PLCXD3: variants seen among roughly 807,000 people sequenced by gnomAD.
The protein encoded by PLCXD3 is PI-PLC X domain-containing protein 3.
PLCXD3 carries 19 observed loss-of-function variants against 25.5 expected under a neutral mutation model. The ratio of observed to expected loss-of-function variants is 0.75; its 90% CI spans 0.52 to 1.09. The LOEUF is 1.09. PLCXD3 is among the 50% of genes least tolerant of loss of function. The probability of loss-of-function intolerance (pLI) is 0.00; values close to 1 mark genes in which losing one functional copy is unlikely to be tolerated. For missense variants in PLCXD3, 411 were observed against 388.1 expected (o/e 1.06, Z -0.50); for synonymous variants, 174 against 137.6 (o/e 1.26, Z -1.85).
At chr5:41,437,705 C>T (rs1747287633) in intron 1 of PLCXD3, among the ~76,000 whole-genome samples, 1 of 152,174 alleles carries the variant, frequency 6.6e-6, no homozygotes. Flanking sequence ...GATACCATGT[C>T]TGGTACGTAC....
chr5:41,320,070 A>G (rs994126806), intron 2 of PLCXD3, among the ~76,000 whole-genome samples: 13 of 152,152 alleles, frequency 8.5e-5, no homozygotes, highest in Non-Finnish European at 1.9e-4. Flanking sequence ...AAAATTCAAA[A>G]CCTGAACAGA....
At chr5:41,481,971 A>G (rs1748424512) in intron 1 of PLCXD3, among the ~76,000 whole-genome samples, 1 of 152,232 alleles carries the variant, frequency 6.6e-6, no homozygotes, top group Admixed American at 6.5e-5. Context: ...GGACCTAAGT[A>G]ACAGCATTTA....
chr5:41,448,508 A>G (rs1387048963), intron 1 of PLCXD3, among the ~76,000 whole-genome samples: 1 of 152,242 alleles, frequency 6.6e-6, no homozygotes, highest in African/African-American at 2.4e-5. Flanking sequence ...TACCTCTTGT[A>G]TTGTAAAATC....
intron 1 of PLCXD3, among the ~76,000 whole-genome samples, chr5:41,476,161 C>T (rs572575660): frequency 6.6e-6 from 1 of 152,276 alleles, no homozygotes; most frequent in South Asian, 2.1e-4. Flanking sequence ...CTAAGCTGAA[C>T]CATTGTAAGT....
intron 1 of PLCXD3, among the ~76,000 whole-genome samples, chr5:41,430,543 G>A (rs1747071450): frequency 6.6e-6 from 1 of 152,122 alleles, no homozygotes; most frequent in South Asian, 2.1e-4. Context: ...GATACAAAAT[G>A]CTTCACAAGC....
chr5:41,476,689 C>A (rs1373537440), intron 1 of PLCXD3, among the ~76,000 whole-genome samples: 4 of 152,156 alleles, frequency 2.6e-5, no homozygotes, highest in Non-Finnish European at 5.9e-5. Context: ...GTAGTTAAAT[C>A]TTAGCTGTGA....
rs1001457745 is a variant in PLCXD3, at chr5:41,311,952, G to A, written c.*1665C>T. 5.9e-4 allele frequency: 90 copies of A among 152,212 alleles called. No individual in the cohort carries two copies. Among genetic ancestry groups the A allele is most frequent in the African/African-American group, 2.1e-3 (87 of 41,400 alleles). 9.4% of individuals were successfully genotyped at this position (152,212 alleles called of 1,614,324 possible). On this transcript the variant is annotated 3_prime_UTR_variant, in exon 3 of 3. Coordinates refer to ENST00000377801, the MANE Select transcript of PLCXD3 (RefSeq NM_001005473.3). The stretch of plus-strand genomic sequence containing the variant: ...ACTTTGCATGGACTGTATTATCCTA[G>A]GAAACTATTGGGGTGTGATTATTTC...
intron 1 of PLCXD3, among the ~76,000 whole-genome samples, chr5:41,500,523 G>T (rs898598801): frequency 7.3e-5 from 11 of 151,448 alleles, no homozygotes; most frequent in African/African-American, 2.4e-4. Flanking sequence ...TGACTATTAT[G>T]CAATCTATGC....
intron 1 of PLCXD3, among the ~76,000 whole-genome samples, chr5:41,507,579 G>A (rs991880167): frequency 2.0e-5 from 3 of 152,170 alleles, no homozygotes; most frequent in Non-Finnish European, 4.4e-5. Context: ...TGCTCTGGTG[G>A]GGAATATCAC....
chr5:41,471,833 C>T lies in PLCXD3; in HGVS notation c.103+38591G>A, dbSNP rs7443485. 6.2e-3 allele frequency among the ~76,000 whole-genome samples: 34 copies of T among 5,504 alleles called. 3 individuals are homozygous for T. Among genetic ancestry groups the T allele is most frequent in the African/African-American group, 0.017 (32 of 1,874 alleles). The allele number at this position is 5,504 out of a possible 152,430, so 3.6% of individuals were successfully genotyped here. A position where few individuals can be genotyped will look rare whatever the true frequency, so the allele number is the denominator to read the frequency against. ...CTCCCCTCCCGTCCCCTCCCCTCCC[C>T]TCCCCTCCCCTCCCCTCCCCTCCCT... On this transcript the variant is annotated intron_variant, in intron 1 of 2. Transcript: ENST00000377801.
intron 2 of PLCXD3, among the ~76,000 whole-genome samples, chr5:41,360,279 A>G (rs747220682): frequency 2.6e-5 from 4 of 151,934 alleles, no homozygotes; most frequent in Non-Finnish European, 5.9e-5. Flanking sequence ...AAATTTTTTG[A>G]TTTAAGTTGG....
intron 1 of PLCXD3, among the ~76,000 whole-genome samples, chr5:41,493,786 G>T (rs113391612): frequency 6.6e-6 from 1 of 152,180 alleles, no homozygotes; most frequent in African/African-American, 2.4e-5. Context: ...TAAGCCCGTC[G>T]GAAAAGCGCA....
At chr5:41,374,373 T>C (rs1360828260) in intron 2 of PLCXD3, among the ~76,000 whole-genome samples, 1 of 152,138 alleles carries the variant, frequency 6.6e-6, no homozygotes, top group African/African-American at 2.4e-5. Context: ...TTCCTTTTGA[T>C]TTACAAGCCA....
rs113582816 is a variant in PLCXD3 at position 41,476,206 on chromosome 5, C to T, written c.103+34218G>A. ...TCTGTACATTATCTCATTTGATTCT[C>T]ACCACTTTGGGAGAGTGGGCAGAAA... On this transcript the variant is annotated intron_variant, in intron 1 of 2. Transcript: ENST00000377801. Among the ~76,000 whole-genome samples, 565 of 152,322 alleles carry T rather than the reference C, an allele frequency of 3.7e-3. 6 individuals carry two copies. Among genetic ancestry groups the T allele is most frequent in the African/African-American group, 0.011 (474 of 41,576 alleles).
chr5:41,411,552 A>T, intron 1 of PLCXD3, among the ~76,000 whole-genome samples: 1 of 152,074 alleles, frequency 6.6e-6, no homozygotes, highest in East Asian at 1.9e-4. Context: ...AATGTTTATA[A>T]AACTGGCACA....
intron 1 of PLCXD3, among the ~76,000 whole-genome samples, chr5:41,499,190 C>T (rs1748900687): frequency 6.6e-6 from 1 of 151,136 alleles, no homozygotes; most frequent in Non-Finnish European, 1.5e-5. Flanking sequence ...GAAAATGTAT[C>T]TAAATAGAAA....
intron 1 of PLCXD3, among the ~76,000 whole-genome samples, chr5:41,509,998 A>C (rs1213443772): frequency 6.6e-6 from 1 of 152,090 alleles, no homozygotes; most frequent in Non-Finnish European, 1.5e-5. Flanking sequence ...CCAGGGATAG[A>C]CTCAGGTCCT....
chr5:41,464,834 T>C (rs1747975256), intron 1 of PLCXD3, among the ~76,000 whole-genome samples: 2 of 152,084 alleles, frequency 1.3e-5, no homozygotes, highest in South Asian at 2.1e-4. Context: ...TCCTCTTTCA[T>C]AGTTTTCATT....
chr5:41,415,138 G>A (rs1044843376), intron 1 of PLCXD3, among the ~76,000 whole-genome samples: 2 of 152,156 alleles, frequency 1.3e-5, no homozygotes, highest in Non-Finnish European at 2.9e-5. Context: ...AAAAGGGGAT[G>A]CTATTGTAAA....
Sources: allele counts gnomAD v4.1 joint callset (sites outside exome capture counted in the v4.1 genomes callset), GRCh38; gene constraint gnomAD v4.1.1; transcripts MANE v1.5; gene names NCBI Gene and HGNC (gene_info 2026-07-23, HGNC 2026-07-21).